ADARB2: variants seen among roughly 807,000 people sequenced by gnomAD.
ADARB2 encodes adenosine deaminase RNA specific B2 (inactive).
Under a neutral mutation model 62.2 loss-of-function variants are expected in ADARB2, and 25 were observed. The observed-to-expected ratio is 0.40, with a 90% CI of 0.29 to 0.56. ADARB2 has a LOEUF of 0.56. ADARB2 is among the 20% of genes least tolerant of loss of function. The probability of loss-of-function intolerance (pLI) is 0.43; values close to 1 mark genes in which losing one functional copy is unlikely to be tolerated. For missense variants in ADARB2, 1,071 were observed against 1,077.4 expected, an observed-to-expected ratio of 0.99 and a Z score of 0.08; for synonymous variants, 572 against 500.8, an observed-to-expected ratio of 1.14 and a Z score of -1.90.
chr10:1,669,234 C>T (rs547544265), intron 1 of ADARB2, among the ~76,000 whole-genome samples: 9 of 152,258 alleles, frequency 5.9e-5, no homozygotes, highest in African/African-American at 1.9e-4. Context: ...CTGTGCAGGG[C>T]TAGTGAGGCC....
intron 1 of ADARB2, among the ~76,000 whole-genome samples, chr10:1,577,045 T>A (rs1042567838): frequency 2.6e-5 from 4 of 152,162 alleles, no homozygotes; most frequent in African/African-American, 9.7e-5. Flanking sequence ...CATGGCTGAT[T>A]GAACAGATTC....
Position 1,625,150 on chromosome 10 carries a change from A to G in ADARB2, c.100+111901T>C, listed in dbSNP as rs139224883. 6.2e-3 allele frequency among the ~76,000 whole-genome samples: 944 copies of G among 152,260 alleles called. 15 individuals carry two copies. The highest frequency in any genetic ancestry group is 0.022 in the African/African-American group (900 of 41,538). ...ATTATTGACGAGTCCTGAGAGCTAA[A>G]CCCCAAGAGACATTTTTCCAGCCTG... On this transcript the variant is annotated intron_variant, in intron 1 of 9. Transcript: ENST00000381312.
intron 3 of ADARB2, among the ~76,000 whole-genome samples, chr10:1,332,475 A>AGTTT (rs1831937982): frequency 9.6e-6 from 1 of 103,676 alleles, no homozygotes. Flanking sequence ...AACTAGCATC[A>AGTTT]GTTTTGTTTT....
intron 6 of ADARB2, among the ~76,000 whole-genome samples, chr10:1,218,097 C>T (rs1830648287): frequency 6.6e-6 from 1 of 152,240 alleles, no homozygotes; most frequent in African/African-American, 2.4e-5. Flanking sequence ...CTTACCCAGG[C>T]TGGAGTGCAG....
intron 3 of ADARB2, chr10:1,290,920 G>A (rs1241850980): frequency 6.6e-6 from 1 of 152,124 alleles, no homozygotes; most frequent in East Asian, 1.9e-4. Context: ...AAGATATTTT[G>A]AGCCCGGGTT....
At chr10:1,286,277 C>A (rs1040343826) in intron 3 of ADARB2, among the ~76,000 whole-genome samples, 3 of 152,136 alleles carry the variant, frequency 2.0e-5, no homozygotes, top group Non-Finnish European at 4.4e-5. Flanking sequence ...CAAACCGAAG[C>A]CTCCGGGATA....
chr10:1,195,882 C>T (rs1176304825), intron 8 of ADARB2, among the ~76,000 whole-genome samples: 1 of 152,156 alleles, frequency 6.6e-6, no homozygotes, highest in Non-Finnish European at 1.5e-5. Flanking sequence ...AGCCCTGTGA[C>T]CACCTTCGTA....
chr10:1,726,332 G>A (rs1278599190), intron 1 of ADARB2, among the ~76,000 whole-genome samples: 1 of 151,666 alleles, frequency 6.6e-6, no homozygotes, highest in African/African-American at 2.4e-5. Flanking sequence ...GTTGGATGAT[G>A]GGTGATTGAT....
intron 1 of ADARB2, among the ~76,000 whole-genome samples, chr10:1,577,670 G>A (rs911967970): frequency 6.6e-6 from 1 of 152,162 alleles, no homozygotes; most frequent in African/African-American, 2.4e-5. Flanking sequence ...TGGGTGGAGC[G>A]AATGTGCAGC....
In ADARB2 at chr10:1,563,634, T is replaced by A. The variant is rs184960981; in HGVS notation, c.100+173417A>T. Among the ~76,000 whole-genome samples, 875 of 151,968 alleles carry A rather than the reference T, an allele frequency of 5.8e-3. 51 individuals carry two copies. In the East Asian group the frequency reaches 0.13, roughly 22 times the overall value. On this transcript the variant is annotated intron_variant, in intron 1 of 9. Transcript: ENST00000381312. ...TAGGACATTTCATTTTACTTTTTTT[T>A]TTATTATTATTATACTTTAAGTTTT... is the stretch of plus-strand genomic sequence containing the variant.
At chr10:1,497,478 T>C (rs548012075) in intron 1 of ADARB2, among the ~76,000 whole-genome samples, 4 of 152,224 alleles carry the variant, frequency 2.6e-5, no homozygotes, top group Non-Finnish European at 4.4e-5. Flanking sequence ...AAGAGCTTTT[T>C]GAAATAAAGG....
At chr10:1,511,715 A>G (rs1254143172) in intron 1 of ADARB2, among the ~76,000 whole-genome samples, 1 of 151,852 alleles carries the variant, frequency 6.6e-6, no homozygotes. Context: ...ACTAGATACC[A>G]AGACTTTGAT....
In ADARB2 at chr10:1,578,771, G is replaced by C. The variant is rs547833086; in HGVS notation, c.100+158280C>G. Among the ~76,000 whole-genome samples, 226 of 151,896 alleles carry C rather than the reference G, an allele frequency of 1.5e-3. 1 individual carries two copies. The highest frequency in any genetic ancestry group is 5.3e-3 in the African/African-American group (219 of 41,352). ...ACAGGTACCTATGTTTATACACACA[G>C]GTACTCGTTTACAGACATGTCCCCC... On this transcript the variant is annotated intron_variant, in intron 1 of 9. Transcript: ENST00000381312.
At chr10:1,490,008 A>AAATT (rs1481671697) in intron 1 of ADARB2, among the ~76,000 whole-genome samples, 28 of 152,252 alleles carry the variant, frequency 1.8e-4, no homozygotes, top group Admixed American at 4.6e-4. Flanking sequence ...TCAGCCTTGC[A>AAATT]GCTGACTGAC....
chr10:1,376,176 G>T (rs10751799), intron 2 of ADARB2, among the ~76,000 whole-genome samples: 132,015 of 152,208 alleles, frequency 0.87, 60,327 homozygotes, highest in Non-Finnish European at 1. Flanking sequence ...CAGGGATCTA[G>T]GAAGGGAGGG....
chr10:1,680,955 C>T (rs759655223), intron 1 of ADARB2, among the ~76,000 whole-genome samples: 4 of 152,308 alleles, frequency 2.6e-5, no homozygotes, highest in Admixed American at 6.5e-5. Flanking sequence ...TGGGCAACTC[C>T]GTAGTAGAAC....
At chr10:1,655,533 T>C (rs1834162939) in intron 1 of ADARB2, among the ~76,000 whole-genome samples, 1 of 152,254 alleles carries the variant, frequency 6.6e-6, no homozygotes, top group South Asian at 2.1e-4. Flanking sequence ...ACTGTAAAAC[T>C]GTCCTGTGTG....
intron 1 of ADARB2, among the ~76,000 whole-genome samples, chr10:1,651,290 C>T (rs767471233): frequency 6.6e-6 from 1 of 152,258 alleles, no homozygotes; most frequent in Non-Finnish European, 1.5e-5. Context: ...CATAGTTTCT[C>T]CATCGAGCCC....
chr10:1,351,665 T>C lies in ADARB2; in HGVS notation c.1077+11363A>G, dbSNP rs190683059. ...CTACTCCCTCCTTAGTGACCGATCA[T>C]GCACCCCTCACCATCCCATTAAAAC... On this transcript the variant is annotated intron_variant, in intron 3 of 9. Coordinates refer to ENST00000381312, the MANE Select transcript of ADARB2 (RefSeq NM_018702.4). Among the ~76,000 whole-genome samples the C allele has an allele frequency of 1.9e-3, 296 of 152,180 alleles. 1 individual carries two copies. The highest frequency in any genetic ancestry group is 6.8e-3 in the African/African-American group (283 of 41,510).
Sources: allele counts gnomAD v4.1 joint callset (sites outside exome capture counted in the v4.1 genomes callset), GRCh38; gene constraint gnomAD v4.1.1; transcripts MANE v1.5; gene names NCBI Gene and HGNC (gene_info 2026-07-23, HGNC 2026-07-21).